Variants in IL1RAPL1 observed in about 807,000 individuals in gnomAD.
IL1RAPL1 encodes the protein interleukin-1 receptor accessory protein-like 1.
In IL1RAPL1, 3 loss-of-function variants were observed where a neutral mutation model predicts 48.4. That is an observed-to-expected ratio of 0.06 (90% CI 0.03 to 0.16). The LOEUF is 0.16. Among genes scored for constraint, IL1RAPL1 ranks in the 10% least tolerant of loss-of-function variants. IL1RAPL1 has a pLI of 1.00. For synonymous variants in IL1RAPL1, 185 were observed against 187.7 expected (o/e 0.99, Z 0.12); for missense variants, 349 against 530.6 (o/e 0.66, Z 3.36).
At chrX:29,519,969 G>T (rs1333233230) in intron 5 of IL1RAPL1, among the ~76,000 whole-genome samples, 1 of 111,768 alleles carries the variant, frequency 8.9e-6, no homozygotes, top group Non-Finnish European at 1.9e-5. Flanking sequence ...CCTCCCAAGT[G>T]AATTGTCTGA....
At chrX:29,282,342 T>C (rs1167215218) in intron 2 of IL1RAPL1, among the ~76,000 whole-genome samples, 1 of 112,268 alleles carries the variant, frequency 8.9e-6, no homozygotes, top group Non-Finnish European at 1.9e-5. Flanking sequence ...CAGAAATCGC[T>C]AAGTTGCTAT....
intron 2 of IL1RAPL1, among the ~76,000 whole-genome samples, chrX:29,185,685 T>A (rs1930236703): frequency 8.9e-6 from 1 of 111,908 alleles, no homozygotes; most frequent in Admixed American, 9.6e-5. Context: ...CAAACCTGGA[T>A]GTCAAGGTGA....
chrX:28,671,042 T>C (rs1008208646), intron 1 of IL1RAPL1, among the ~76,000 whole-genome samples: 5 of 112,330 alleles, frequency 4.5e-5, no homozygotes, highest in Admixed American at 9.5e-5. Flanking sequence ...ATTACAGTTA[T>C]ATTCTTTTTC....
chrX:29,651,482 T>G (rs1160556213), intron 5 of IL1RAPL1, among the ~76,000 whole-genome samples: 1 of 111,014 alleles, frequency 9.0e-6, no homozygotes, highest in Non-Finnish European at 1.9e-5. Flanking sequence ...CATAGATGAA[T>G]CTGGAAGGCA....
chrX:29,653,924 A>ATTTG, intron 5 of IL1RAPL1, among the ~76,000 whole-genome samples: 1 of 106,968 alleles, frequency 9.3e-6, no homozygotes, highest in South Asian at 4.0e-4. Flanking sequence ...TTATTTATTT[A>ATTTG]TTTATTTATT....
rs1249435070 is a variant in IL1RAPL1, at chrX:29,855,362, A to G, written c.779-62102A>G. On this transcript the variant is annotated intron_variant, in intron 6 of 10. Transcript: ENST00000378993. ...TGTACGCTCATATGCGCATGCGTGC[A>G]CACAGAACGGGAGAGAAATTTGTTG... Among the ~76,000 whole-genome samples the G allele has an allele frequency of 2.7e-5, 3 of 112,283 alleles. No homozygotes were observed. In the East Asian group the frequency reaches 8.4e-4, roughly 31 times the overall value.
In IL1RAPL1 at chrX:29,582,349, CTT is replaced by C. The variant is rs66537814; in HGVS notation, c.704-86071_704-86070del. On this transcript the variant is annotated intron_variant, in intron 5 of 10. Transcript: ENST00000378993. ...ATTAAACTAATGATAAAGATAGCAT[CTT>C]TTTTTTTTTATTTTTTTATTTTTTT... is the stretch of plus-strand genomic sequence containing the variant. Among the ~76,000 whole-genome samples, 12 of 88,988 alleles carry C rather than the reference CTT, an allele frequency of 1.3e-4. No individual in the cohort carries two copies. In the East Asian group the frequency reaches 1.4e-3, roughly 10 times the overall value. The allele number at this position is 88,988 out of a possible 115,157, so 77.3% of individuals were successfully genotyped here. A position where few individuals can be genotyped will look rare whatever the true frequency, so the allele number is the denominator to read the frequency against.
chrX:28,756,435 A>T (rs1864304092), intron 1 of IL1RAPL1, among the ~76,000 whole-genome samples: 1 of 111,597 alleles, frequency 9.0e-6, no homozygotes, highest in African/African-American at 3.3e-5. Context: ...CAGTTATATC[A>T]TGTCTTTAGC....
At chrX:29,001,927 G>A (rs1348329500) in intron 2 of IL1RAPL1, among the ~76,000 whole-genome samples, 1 of 103,506 alleles carries the variant, frequency 9.7e-6, no homozygotes, top group Non-Finnish European at 2.0e-5. Context: ...AACGGAGTCT[G>A]GCTTCGTTGC....
rs775257121 is a variant in IL1RAPL1 at position 29,078,177 on chromosome X, C to G, written c.83-204761C>G. 8.1e-5 allele frequency among the ~76,000 whole-genome samples: 9 copies of G among 111,773 alleles called. No individual in the cohort carries two copies. In the East Asian group the frequency reaches 2.5e-3, roughly 32 times the overall value. The stretch of plus-strand genomic sequence containing the variant: ...ATCCCAGCTACTCGGGAAGCTGAGG[C>G]AAGAGAATCACTTGAACCTGGGAGG... On this transcript the variant is annotated intron_variant, in intron 2 of 10. Transcript: ENST00000378993.
At chrX:29,908,125 A>AACTT (rs1474137777) in intron 6 of IL1RAPL1, among the ~76,000 whole-genome samples, 2 of 111,116 alleles carry the variant, frequency 1.8e-5, no homozygotes, top group South Asian at 3.8e-4. Context: ...CAGATTTACA[A>AACTT]ACTTACCCCA....
chrX:29,909,854 G>T (rs1229567745), intron 6 of IL1RAPL1, among the ~76,000 whole-genome samples: 2 of 111,727 alleles, frequency 1.8e-5, no homozygotes, highest in Non-Finnish European at 3.8e-5. Context: ...AAAGCAGTTT[G>T]ATTTCTCAAA....
intron 1 of IL1RAPL1, among the ~76,000 whole-genome samples, chrX:28,665,186 A>C (rs1355087153): frequency 2.7e-5 from 3 of 111,156 alleles, no homozygotes; most frequent in Admixed American, 9.6e-5. Flanking sequence ...TAGACCACTG[A>C]AATTGCAAGG....
chrX:29,196,650 G>A (rs1178168697), intron 2 of IL1RAPL1, among the ~76,000 whole-genome samples: 1 of 109,902 alleles, frequency 9.1e-6, no homozygotes, highest in East Asian at 2.9e-4. Context: ...CTTCTAATCA[G>A]CAGTGCAGAC....
intron 2 of IL1RAPL1, among the ~76,000 whole-genome samples, chrX:29,198,170 T>C (rs1256408821): frequency 1.8e-5 from 2 of 111,865 alleles, no homozygotes. Context: ...GACAATTTAA[T>C]AAGAGAACAT....
At chrX:29,487,110 G>T (rs1170522635) in intron 5 of IL1RAPL1, among the ~76,000 whole-genome samples, 1 of 111,507 alleles carries the variant, frequency 9.0e-6, no homozygotes, top group East Asian at 2.8e-4. Flanking sequence ...TGTGATTAAT[G>T]AATCCTGCCT....
chrX:29,797,398 G>A (rs756435616), intron 6 of IL1RAPL1, among the ~76,000 whole-genome samples: 5 of 112,010 alleles, frequency 4.5e-5, no homozygotes, highest in African/African-American at 9.7e-5. Context: ...ATTGAACCAC[G>A]TTATTTAAAT....
chrX:29,891,209 T>C (rs1052145872), intron 6 of IL1RAPL1, among the ~76,000 whole-genome samples: 16 of 108,393 alleles, frequency 1.5e-4, no homozygotes, highest in Non-Finnish European at 2.7e-4. Flanking sequence ...AGTTTCGTTT[T>C]TATGAACTAT....
intron 9 of IL1RAPL1, among the ~76,000 whole-genome samples, chrX:29,944,199 G>C (rs958146576): frequency 9.0e-6 from 1 of 111,482 alleles, no homozygotes; most frequent in Non-Finnish European, 1.9e-5. Flanking sequence ...CCTAAAAAGC[G>C]GGGGGCAGGG....
Sources: allele counts gnomAD v4.1 joint callset (sites outside exome capture counted in the v4.1 genomes callset), GRCh38; gene constraint gnomAD v4.1.1; transcripts MANE v1.5; gene names NCBI Gene and HGNC (gene_info 2026-07-23, HGNC 2026-07-21).